Variants in TENM3 observed in about 807,000 individuals in gnomAD.
TENM3 encodes the protein teneurin-3.
Under a neutral mutation model 255.1 loss-of-function variants are expected in TENM3, and 63 were observed. The observed-to-expected ratio is 0.25, with a 90% confidence interval of 0.20 to 0.30. The LOEUF is 0.30. Among genes scored for constraint, TENM3 ranks in the 10% least tolerant of loss-of-function variants. The probability of loss-of-function intolerance (pLI) is 1.00; values close to 1 mark genes in which losing one functional copy is unlikely to be tolerated. For synonymous variants in TENM3, 1,306 were observed against 1,322.3 expected, an observed-to-expected ratio of 0.99 and a Z score of 0.27; for missense variants, 2,929 against 3,461.1, an observed-to-expected ratio of 0.85 and a Z score of 3.86.
At chr4:182,694,724 A>G (rs1054283131) in intron 12 of TENM3, among the ~76,000 whole-genome samples, 1 of 152,212 alleles carries the variant, frequency 6.6e-6, no homozygotes, top group Non-Finnish European at 1.5e-5. Context: ...GTTAAACACC[A>G]GGGCTGCCCT....
At chr4:182,212,430 T>A (rs979801986) in intron 1 of TENM3, among the ~76,000 whole-genome samples, 2 of 152,178 alleles carry the variant, frequency 1.3e-5, no homozygotes, top group Non-Finnish European at 2.9e-5. Context: ...AGGCGCCCGT[T>A]GGCCACCTCT....
chr4:182,243,667 C>T (rs547836857), intron 1 of TENM3, among the ~76,000 whole-genome samples, 191 bp downstream of exon 1: 1 of 152,194 alleles, frequency 6.6e-6, no homozygotes, highest in African/African-American at 2.4e-5. Context: ...TGTTGGGACA[C>T]GGAAGCTGAG....
chr4:181,847,118 A>G, the TENM3 span, among the ~76,000 whole-genome samples: 2 of 152,346 alleles, frequency 1.3e-5, no homozygotes, highest in African/African-American at 4.8e-5. Context: ...TTGCTACATC[A>G]GGAGGAAATT....
At chr4:181,879,634 A>G in the TENM3 span, among the ~76,000 whole-genome samples, 1 of 152,212 alleles carries the variant, frequency 6.6e-6, no homozygotes, top group African/African-American at 2.4e-5. Context: ...ATATACAGCA[A>G]TAACAATAGT....
the TENM3 span, among the ~76,000 whole-genome samples, chr4:181,728,658 G>T: frequency 0.8 from 120,918 of 152,058 alleles, 48,599 homozygotes; most frequent in Admixed American, 0.86. Flanking sequence ...ATCTTGGCTT[G>T]TGAAGGTTTT....
the TENM3 span, among the ~76,000 whole-genome samples, chr4:181,996,725 T>G: frequency 6.6e-6 from 1 of 152,196 alleles, no homozygotes; most frequent in Non-Finnish European, 1.5e-5. Context: ...AGCACTTAAG[T>G]GCTCTGATTT....
the TENM3 span, among the ~76,000 whole-genome samples, chr4:181,897,558 G>A: frequency 6.6e-6 from 1 of 151,982 alleles, no homozygotes; most frequent in Non-Finnish European, 1.5e-5. Flanking sequence ...AAGAACCTTG[G>A]TGTTCTTACA....
chr4:182,106,248 G>C, the TENM3 span, among the ~76,000 whole-genome samples: 6 of 152,174 alleles, frequency 3.9e-5, no homozygotes, highest in Non-Finnish European at 7.3e-5. Context: ...GATTGCTTGA[G>C]CCCACAGTTT....
intron 3 of TENM3, among the ~76,000 whole-genome samples, chr4:182,435,185 G>A (rs1026924904): frequency 3.3e-5 from 5 of 152,148 alleles, no homozygotes; most frequent in African/African-American, 1.2e-4. Flanking sequence ...CCGGTTCCAC[G>A]GTTTTATGGA....
At chr4:182,253,637 T>C (rs1415589021) in intron 1 of TENM3, among the ~76,000 whole-genome samples, 1 of 152,220 alleles carries the variant, frequency 6.6e-6, no homozygotes, top group Non-Finnish European at 1.5e-5. Flanking sequence ...CCTTGTAATA[T>C]TTGTTTTTCT....
chr4:181,716,853 T>C, the TENM3 span, among the ~76,000 whole-genome samples: 1 of 152,138 alleles, frequency 6.6e-6, no homozygotes, highest in East Asian at 1.9e-4. Flanking sequence ...TCATAACACA[T>C]ATGAATTCTC....
the TENM3 span, among the ~76,000 whole-genome samples, chr4:182,049,472 T>C: frequency 6.6e-6 from 1 of 152,296 alleles, no homozygotes. Context: ...GTCAGCAACC[T>C]AGTGTCACCT....
intron 16 of TENM3, among the ~76,000 whole-genome samples, chr4:182,734,099 A>G (rs1051807642): frequency 6.6e-6 from 1 of 152,248 alleles, no homozygotes; most frequent in Non-Finnish European, 1.5e-5. Flanking sequence ...TAAATGCGAT[A>G]AAGATTTTAA....
the TENM3 span, among the ~76,000 whole-genome samples, chr4:181,838,457 T>C: frequency 6.6e-5 from 10 of 152,188 alleles, no homozygotes; most frequent in Non-Finnish European, 1.0e-4. Context: ...TTTGAGACTT[T>C]CTCTTCTTTT....
the TENM3 span, among the ~76,000 whole-genome samples, chr4:181,507,086 A>G: frequency 6.6e-6 from 1 of 152,108 alleles, no homozygotes; most frequent in Non-Finnish European, 1.5e-5. Flanking sequence ...GCCCAGATAG[A>G]TTTTGGTATC....
chr4:182,415,566 G>GA (rs1442614553), intron 3 of TENM3, among the ~76,000 whole-genome samples: 3 of 151,990 alleles, frequency 2.0e-5, no homozygotes, highest in Admixed American at 2.0e-4. Flanking sequence ...GACTGGGAAG[G>GA]AAAAAAATTG....
At chr4:182,161,721 GTA>G (rs35911660) in intron 1 of TENM3, among the ~76,000 whole-genome samples, 16,843 of 17,646 alleles carry the variant, frequency 0.95, 8,051 homozygotes, top group Non-Finnish European at 0.96. Flanking sequence ...ATATATATGT[GTA>G]TATATATATA....
intron 3 of TENM3, among the ~76,000 whole-genome samples, chr4:182,509,327 C>A (rs1737142929): frequency 6.6e-6 from 1 of 152,036 alleles, no homozygotes; most frequent in African/African-American, 2.4e-5. Context: ...TGTGGGAGTT[C>A]CAAGATTTGT....
intron 1 of TENM3, among the ~76,000 whole-genome samples, chr4:182,271,454 C>T (rs560643944): frequency 5.9e-5 from 9 of 152,066 alleles, no homozygotes; most frequent in Non-Finnish European, 1.2e-4. Flanking sequence ...TAGGTGGAGG[C>T]GCAGGACATC....
Sources: allele counts gnomAD v4.1 joint callset (sites outside exome capture counted in the v4.1 genomes callset), GRCh38; gene constraint gnomAD v4.1.1; transcripts MANE v1.5; gene names NCBI Gene and HGNC (gene_info 2026-07-23, HGNC 2026-07-21).